The following MUC6 variants were observed in gnomAD, a reference collection of about 807,000 sequenced individuals.
MUC6 encodes the protein mucin-6.
In MUC6, 188 loss-of-function variants were observed where a neutral mutation model predicts 201.5. The observed-to-expected ratio is 0.93, with a 90% CI of 0.83 to 1.05. The LOEUF is 1.05. Ranked by LOEUF, MUC6 falls within the 50% of genes least tolerant of loss-of-function variation. The pLI is 0.00. For missense variants in MUC6, 2,706 were observed against 3,256.9 expected (o/e 0.83, Z 4.12); for synonymous variants, 1,228 against 1,389.4 (o/e 0.88, Z 2.58).
intron 1 of MUC6, among the ~76,000 whole-genome samples, chr11:1,034,789 G>C (rs1857180280): frequency 6.6e-6 from 1 of 152,160 alleles, no homozygotes; most frequent in African/African-American, 2.4e-5. Context: ...GCCCTGCCAG[G>C]CTGGCTTCAC....
chr11:1,025,800 C>A lies in MUC6; in HGVS notation c.2799+5G>T. 6.2e-7 allele frequency: 1 copy of A among 1,609,708 alleles called. No individual in the cohort carries two copies. ...TGCCCTGCCAGAGTCTGCCCGGCTG[C>A]TCACCCCCAGGAAGATCTTGATGGC... On this transcript the variant is annotated splice_donor_5th_base_variant and intron_variant, in intron 22 of 32. Coordinates refer to ENST00000421673, the MANE Select transcript of MUC6 (RefSeq NM_005961.3).
At chr11:1,028,597 A>G (rs1304369777) in intron 13 of MUC6, 49 bp downstream of exon 13, 2 of 1,589,630 alleles carry the variant, frequency 1.3e-6, no homozygotes, top group South Asian at 2.3e-5. Context: ...TCATGGCCAG[A>G]CCCTGTAGGG....
In MUC6 at chr11:1,025,038, CCTT is replaced by C; in HGVS notation, c.3028_3030del (p.Lys1010del). 6.2e-7 allele frequency: 1 copy of C among 1,612,980 alleles called. No homozygotes were observed. Among genetic ancestry groups the C allele is most frequent in the Non-Finnish European group, 8.5e-7 (1 of 1,179,830 alleles). On this transcript the variant is annotated inframe_deletion, in exon 24 of 33. Transcript: ENST00000421673. ...TACCTGCTGCGCGTCTCGAAGTCGT[CCTT>C]CATGTTCCCGTTGAAGTTGCCACAC...
chr11:1,027,791 G>C lies in MUC6; in HGVS notation c.1875C>G (p.Tyr625Ter), dbSNP rs771291121. ...CACAGATGTGGGGAAAGGTCTCCTC[G>C]TAGTTGCAGGCCTGGTACACGCACC... ...YKRCVYQACN[Y>*]EETFPHICAA... is the part of the protein sequence containing the mutation. Residue 625 changes from tyrosine (Y) to a stop codon, truncating the protein, a stop_gained, in exon 16 of 33, where the codon TAC becomes TAG. Coordinates refer to ENST00000421673, the MANE Select transcript of MUC6 (RefSeq NM_005961.3). LOFTEE classifies it high-confidence loss of function. 2.5e-6 allele frequency: 4 copies of C among 1,611,044 alleles called. No homozygotes were observed. Among genetic ancestry groups the C allele is most frequent in the East Asian group, 4.5e-5 (2 of 44,864 alleles).
At chr11:1,021,368 CTTT>C (rs541461716) in intron 26 of MUC6, 91 bp from the exon 27 acceptor site, 5,880 of 440,318 alleles carry the variant, frequency 0.013, no homozygotes, top group South Asian at 0.024. Context: ...TTCCTCTCTG[CTTT>C]TTTTTTTTTT....
intron 19 of MUC6, 105 bp downstream of exon 19, chr11:1,026,836 C>CGCT: frequency 1.7e-6 from 2 of 1,205,378 alleles, no homozygotes; most frequent in South Asian, 3.1e-5. Context: ...CCCAGGCACC[C>CGCT]GCTGCAGGGC....
At chr11:1,024,280 G>A (rs544681572) in intron 24 of MUC6, among the ~76,000 whole-genome samples, 177 bp from the exon 25 acceptor site, 24 of 152,300 alleles carry the variant, frequency 1.6e-4, no homozygotes, top group Middle Eastern at 6.8e-3. Flanking sequence ...TCCCGGAGCC[G>A]ATGCTGCCAC....
chr11:1,013,293 C>T lies in MUC6; in HGVS notation c.*163G>A. On this transcript the variant is annotated 3_prime_UTR_variant, in exon 33 of 33. Coordinates refer to ENST00000421673, the MANE Select transcript of MUC6 (RefSeq NM_005961.3). The stretch of plus-strand genomic sequence containing the variant: ...TAGTCTGAGCCCCTGCTTGGCAGCC[C>T]CTCTCCAACCGGTGCCCCAGGGAGC... The T allele has an allele frequency of 1.5e-6, 1 of 674,630 alleles. No individual in the cohort carries two copies. 41.8% of individuals were successfully genotyped at this position (674,630 alleles called of 1,614,324 possible).
rs201174742 is a variant in MUC6, at chr11:1,027,176, C to T, written c.2249G>A (p.Arg750Gln). 4.6e-5 allele frequency: 74 copies of T among 1,612,462 alleles called. No individual in the cohort carries two copies. Among genetic ancestry groups the T allele is most frequent in the Middle Eastern group, 3.3e-4 (2 of 6,084 alleles). ...CTGTGGCCGCTGCGGGCAACTCAGC[C>T]GCCCGTTGATGCAGTGGCTGCAAGA... ...NGITCHCING[R>Q]LSCPQRPQMF... Residue 750 changes from arginine to glutamine, a missense_variant, in exon 18 of 33, where the codon CGG (arginine) becomes CAG (glutamine). Transcript: ENST00000421673.
Position 1,024,118 on chromosome 11 carries a change from G to A in MUC6, c.3226-15C>T, listed in dbSNP as rs775667577. On this transcript the variant is annotated splice_polypyrimidine_tract_variant and intron_variant, in intron 24 of 32. Transcript: ENST00000421673. Reference sequence around the variant, plus strand: ...AGGTGGTATACCTGCAGGGGTGTGTGCCAGTCAGTGTCTGGCTGCCGGGGG... The same window carrying A: ...AGGTGGTATACCTGCAGGGGTGTGTACCAGTCAGTGTCTGGCTGCCGGGGG... 5 of 1,607,842 alleles carry A rather than the reference G, an allele frequency of 3.1e-6. No homozygotes were observed. The highest frequency in any genetic ancestry group is 4.2e-6 in the Non-Finnish European group (5 of 1,177,354).
In MUC6 at chr11:1,026,018, G is replaced by T. The variant is rs754352374; in HGVS notation, c.2670C>A (p.Cys890Ter). ...DGQRFVFDGN[C>*]EYILATDVCG... ...TGGTTACCGTGGCCAGGATGTACTC[G>T]CAGTTGCCGTCGAATACGAAGCGCT... The change falls in exon 21 of 33, where the codon TGC (cysteine) becomes TGA (stop). Residue 890 changes from cysteine (C) to a stop codon, truncating the protein, a stop_gained. Transcript: ENST00000421673. LOFTEE classifies it high-confidence loss of function. The T allele has an allele frequency of 6.4e-5, 102 of 1,587,510 alleles. No homozygotes were observed. Among genetic ancestry groups the T allele is most frequent in the Middle Eastern group, 1.7e-4 (1 of 6,058 alleles).
chr11:1,032,846 T>C lies in MUC6; in HGVS notation c.115+167A>G, dbSNP rs1483373184. ...TGTCAGGTGTGTGTGCATGTGTATA[T>C]TGGGTATGTGTGTGTGTTGGGTGTA... On this transcript the variant is annotated intron_variant, in intron 2 of 32. Transcript: ENST00000421673. Among the ~76,000 whole-genome samples the C allele has an allele frequency of 2.0e-5, 3 of 151,552 alleles. No individual in the cohort carries two copies. The East Asian group carries it at 5.8e-4, about 30-fold the overall frequency.
rs774855068 is a variant in MUC6 at position 1,016,120 on chromosome 11, G to A, written c.6681C>T (p.Pro2227=). ...TGGGAGACACGGTAACAGTGGATAT[G>A]GGGAGTAGAGCAGAGAGGGTGAAAG... is the stretch of plus-strand genomic sequence containing the variant. ...SSPFTLSALL[P]ISTVTVSPTP... The change falls in exon 31 of 33, where the codon CCC becomes CCT. Residue 2227 remains proline (P), a synonymous_variant. Transcript: ENST00000421673. 2.5e-6 allele frequency: 4 copies of A among 1,613,540 alleles called. No homozygotes were observed. The highest frequency in any genetic ancestry group is 3.4e-6 in the Non-Finnish European group (4 of 1,179,748).
intron 1 of MUC6, among the ~76,000 whole-genome samples, chr11:1,034,659 G>A (rs1022939039): frequency 2.6e-4 from 40 of 152,208 alleles, no homozygotes; most frequent in Admixed American, 9.2e-4. Context: ...AGCTGTGACC[G>A]GTCTCCCCTG....
rs768131565 is a variant in MUC6 at position 1,028,272 on chromosome 11, G to A, written c.1707C>T (p.Ala569=). Reference sequence around the variant, plus strand: ...AGGGGTCAGTCTCACGCTCCAGAGCGGCCGGACAGTTCCCCGCCCGCCAGG... The same window carrying A: ...AGGGGTCAGTCTCACGCTCCAGAGCAGCCGGACAGTTCCCCGCCCGCCAGG... The part of the protein sequence containing the change: ...VDSWRAGNCP[A]ALERETDPCS... Residue 569 remains alanine (A), a synonymous_variant, in exon 14 of 33, where the codon GCC becomes GCT. Coordinates refer to ENST00000421673, the MANE Select transcript of MUC6 (RefSeq NM_005961.3). The A allele has an allele frequency of 1.7e-5, 27 of 1,601,162 alleles. No individual in the cohort carries two copies. The South Asian group carries it at 2.0e-4, about 12-fold the overall frequency.
At position 1,016,446 on chromosome 11, in the gene MUC6, T is replaced by G; in HGVS notation, c.6355A>C (p.Thr2119Pro). The G allele has an allele frequency of 6.2e-7, 1 of 1,612,656 alleles. No homozygotes were observed. Among genetic ancestry groups the G allele is most frequent in the South Asian group, 1.1e-5 (1 of 91,038 alleles). The change falls in exon 31 of 33, where the codon ACT becomes CCT. Residue 2119 changes from threonine (T) to proline (P), a missense_variant. By Grantham distance (38) the Thr-to-Pro change is conservative. Coordinates refer to ENST00000421673, the MANE Select transcript of MUC6 (RefSeq NM_005961.3). ...TQLPHLSSATTPVSTTNQLSS... is the reference protein window; with the variant it reads ...TQLPHLSSATPPVSTTNQLSS... ...AGCTGATTAGTTGTGGAAACAGGAG[T>G]GGTTGCAGAACTCAAGTGGGGGAGT...
Position 1,018,678 on chromosome 11 carries a change from G to T in MUC6, c.4123C>A (p.Pro1375Thr), listed in dbSNP as rs778657165. 1 of 1,613,048 alleles carries T rather than the reference G, an allele frequency of 6.2e-7. No individual in the cohort carries two copies. The highest frequency in any genetic ancestry group is 8.5e-7 in the Non-Finnish European group (1 of 1,179,592). ...TPASTTGPTT[P>T]QPGQPTRPTA... ...GGCCTCGTGGGTTGTCCTGGCTGTG[G>T]GGTGGTTGGGCCTGTGGTGCTTGCT... Residue 1375 changes from proline (P) to threonine (T), a missense_variant, in exon 31 of 33, where the codon CCA becomes ACA. Coordinates refer to ENST00000421673, the MANE Select transcript of MUC6 (RefSeq NM_005961.3).
intron 19 of MUC6, 103 bp from the exon 20 acceptor site, chr11:1,026,581 T>C (rs1856965923): frequency 7.7e-7 from 1 of 1,302,640 alleles, no homozygotes; most frequent in South Asian, 1.6e-5. Context: ...CCAGGTCCTC[T>C]CCCTGAATAC....
intron 27 of MUC6, 25 bp from the exon 28 acceptor site, chr11:1,020,759 C>T (rs757899011): frequency 1.2e-6 from 2 of 1,610,454 alleles, no homozygotes; most frequent in South Asian, 1.1e-5. Flanking sequence ...GGTCAGCTCC[C>T]TGTGGTTCTC....
Sources: allele counts gnomAD v4.1 joint callset (sites outside exome capture counted in the v4.1 genomes callset), GRCh38; gene constraint gnomAD v4.1.1; transcripts MANE v1.5; gene names NCBI Gene and HGNC (gene_info 2026-07-23, HGNC 2026-07-21).